Variants in TANC2 observed in about 807,000 individuals in gnomAD.
The protein encoded by TANC2 is tetratricopeptide repeat, ankyrin repeat and coiled-coil containing 2.
A neutral mutation model predicts 210.5 loss-of-function variants in TANC2; 26 were observed. The observed-to-expected ratio is 0.12, with a 90% CI of 0.09 to 0.17. TANC2 has a LOEUF of 0.17. TANC2 is among the 10% of genes least tolerant of loss of function. TANC2 has a pLI of 1.00. For missense variants in TANC2, 2,129 were observed against 2,608.9 expected (o/e 0.82, Z 4.01); for synonymous variants, 931 against 967.1 (o/e 0.96, Z 0.69).
At chr17:63,143,749 G>A (rs947124938) in intron 4 of TANC2, among the ~76,000 whole-genome samples, 3 of 152,028 alleles carry the variant, frequency 2.0e-5, no homozygotes, top group Non-Finnish European at 4.4e-5. Context: ...TTTAAATGAT[G>A]ACATTTCAGT....
intron 3 of TANC2, among the ~76,000 whole-genome samples, chr17:63,079,087 T>C (rs181017213): frequency 1.2e-3 from 182 of 152,262 alleles, no homozygotes; most frequent in Non-Finnish European, 1.8e-3. Flanking sequence ...CCTCAGAGAT[T>C]TATGTGTCTC....
chr17:63,095,106 C>T (rs1211245181), intron 3 of TANC2, among the ~76,000 whole-genome samples: 1 of 151,090 alleles, frequency 6.6e-6, no homozygotes, highest in Non-Finnish European at 1.5e-5. Context: ...GTCCCTGCCC[C>T]ACTGATGCTT....
At chr17:62,999,839 A>G (rs1198544994) in intron 1 of TANC2, among the ~76,000 whole-genome samples, 1 of 152,194 alleles carries the variant, frequency 6.6e-6, no homozygotes, top group Non-Finnish European at 1.5e-5. Context: ...ATCAACCTAA[A>G]TGCTCATCAG....
intron 14 of TANC2, among the ~76,000 whole-genome samples, chr17:63,363,080 T>G (rs2047012476): frequency 6.6e-6 from 1 of 152,254 alleles, no homozygotes; most frequent in Admixed American, 6.5e-5. Flanking sequence ...TGGGATGAGA[T>G]GATATCTCGT....
intron 15 of TANC2, among the ~76,000 whole-genome samples, chr17:63,387,429 A>G (rs988296178): frequency 1.3e-5 from 2 of 152,202 alleles, no homozygotes; most frequent in Non-Finnish European, 2.9e-5. Context: ...TTTATAACTC[A>G]TAAGTTACTG....
At chr17:63,348,094 A>G (rs527416796) in intron 12 of TANC2, among the ~76,000 whole-genome samples, 5 of 152,330 alleles carry the variant, frequency 3.3e-5, no homozygotes, top group Admixed American at 2.0e-4. Context: ...ACCACACTGA[A>G]GGAAAGATAA....
At chr17:63,344,730 C>T (rs1381149588) in intron 12 of TANC2, among the ~76,000 whole-genome samples, 1 of 152,158 alleles carries the variant, frequency 6.6e-6, no homozygotes, top group African/African-American at 2.4e-5. Context: ...AACTACGTGG[C>T]AGTTTTAAAA....
rs544090165 is a variant in TANC2 at position 63,364,491 on chromosome 17, C to T, written c.2582+9101C>T. ...GAGATTTCCTAAGTCTATATACATA[C>T]AGAGATATAGTTCTGCTTGTGATAA... On this transcript the variant is annotated intron_variant, in intron 14 of 27. Transcript: ENST00000689528. 3.3e-4 allele frequency among the ~76,000 whole-genome samples: 50 copies of T among 152,264 alleles called. 1 individual carries two copies. Among genetic ancestry groups the T allele is most frequent in the Non-Finnish European group, 5.6e-4 (38 of 68,022 alleles).
intron 12 of TANC2, among the ~76,000 whole-genome samples, chr17:63,342,346 A>G (rs2046259159): frequency 6.6e-6 from 1 of 152,210 alleles, no homozygotes; most frequent in South Asian, 2.1e-4. Flanking sequence ...GGAACTTTGT[A>G]AAATTCAGCT....
rs1160792518 is a variant in TANC2 at position 63,108,196 on chromosome 17, G to GAAC, written c.322+8841_322+8843dup. Among the ~76,000 whole-genome samples the GAAC allele has an allele frequency of 2.6e-5, 4 of 151,708 alleles. No homozygotes were observed. The South Asian group carries it at 8.3e-4, about 31-fold the overall frequency. ...AGGCAGATTTCATGCCTCATAAAATGAACAGCTCATTAAAGGATATGGATA... is the reference window on the plus strand; with the variant it reads ...AGGCAGATTTCATGCCTCATAAAATGAACAACAGCTCATTAAAGGATATGGATA... On this transcript the variant is annotated intron_variant, in intron 4 of 27. Transcript: ENST00000689528.
In TANC2 at chr17:63,310,020, G is replaced by GA. The variant is rs1326291204; in HGVS notation, c.1160-4360dup. 3.3e-5 allele frequency among the ~76,000 whole-genome samples: 5 copies of GA among 151,608 alleles called. No individual in the cohort carries two copies. The East Asian group carries it at 9.6e-4, about 29-fold the overall frequency. ...CTATACCAGACTCAAAAAAGCACTA[G>GA]AAAAAAAATGTTAATGTTTTTATAC... On this transcript the variant is annotated intron_variant, in intron 9 of 27. Coordinates refer to ENST00000689528, the Ensembl canonical transcript of TANC2.
intron 1 of TANC2, among the ~76,000 whole-genome samples, chr17:62,972,926 T>C (rs1479626060): frequency 6.6e-6 from 1 of 152,156 alleles, no homozygotes; most frequent in East Asian, 1.9e-4. Context: ...GTTAGCCCAA[T>C]GTCTTCCGAG....
At chr17:63,182,645 G>C (rs2040830308) in intron 5 of TANC2, 1 of 165,474 alleles carries the variant, frequency 6.0e-6, no homozygotes, top group African/African-American at 2.4e-5. Context: ...TTCTTCTTTT[G>C]ATACACAATT....
At chr17:63,081,729 C>G (rs968993013) in intron 3 of TANC2, among the ~76,000 whole-genome samples, 2 of 152,062 alleles carry the variant, frequency 1.3e-5, no homozygotes, top group Non-Finnish European at 2.9e-5. Flanking sequence ...AATACGTAGC[C>G]CCAAGCACAT....
chr17:63,217,145 T>G lies in TANC2; in HGVS notation c.769+16188T>G, dbSNP rs139441478. Among the ~76,000 whole-genome samples the G allele has an allele frequency of 1.3e-3, 196 of 152,284 alleles. 1 individual carries two copies. Among genetic ancestry groups the G allele is most frequent in the African/African-American group, 4.1e-3 (170 of 41,560 alleles). On this transcript the variant is annotated intron_variant, in intron 7 of 27. Coordinates refer to ENST00000689528, the Ensembl canonical transcript of TANC2. ...AGTTTTTAAATCAATGAACTGAATTTCCAGTTAAACTAGAAAAATAAGAAG... is the reference window on the plus strand; with the variant it reads ...AGTTTTTAAATCAATGAACTGAATTGCCAGTTAAACTAGAAAAATAAGAAG...
rs550920898 is a variant in TANC2 at position 63,082,404 on chromosome 17, G to A, written c.139+8390G>A. Among the ~76,000 whole-genome samples the A allele has an allele frequency of 3.3e-5, 5 of 152,242 alleles. No individual in the cohort carries two copies. The East Asian group carries it at 9.6e-4, about 29-fold the overall frequency. On this transcript the variant is annotated intron_variant, in intron 3 of 27. Coordinates refer to ENST00000689528, the Ensembl canonical transcript of TANC2. ...GTTTTGTTTCATATGAAGAGCAGTT[G>A]GTTTTAATGTTTTTTTCCTAGTGAA... is the stretch of plus-strand genomic sequence containing the variant.
intron 11 of TANC2, among the ~76,000 whole-genome samples, chr17:63,319,379 C>T (rs1434963739): frequency 2.0e-5 from 3 of 152,282 alleles, no homozygotes; most frequent in South Asian, 2.1e-4. Flanking sequence ...GAGTTTCTCT[C>T]GGTTTCCTGG....
At chr17:63,229,509 CTT>C (rs1340299064) in intron 7 of TANC2, among the ~76,000 whole-genome samples, 1 of 149,482 alleles carries the variant, frequency 6.7e-6, no homozygotes, top group Non-Finnish European at 1.5e-5. Context: ...ACCAGCAACT[CTT>C]TATACCTCTG....
intron 7 of TANC2, among the ~76,000 whole-genome samples, chr17:63,215,002 G>C (rs1006997437): frequency 2.0e-5 from 3 of 152,180 alleles, no homozygotes; most frequent in Admixed American, 2.0e-4. Context: ...TTAGGTCCTT[G>C]CTGCTCCATG....
Sources: gnomAD v4.1 joint callset for allele counts (sites outside exome capture counted in the v4.1 genomes callset) on GRCh38, gnomAD v4.1.1 for gene constraint, MANE v1.5 for transcripts, NCBI Gene and HGNC (gene_info 2026-07-23, HGNC 2026-07-21) for gene names.